SLC25A29: variants seen among roughly 807,000 people sequenced by gnomAD.
SLC25A29 encodes mitochondrial basic amino acids transporter.
Under a neutral mutation model 10.0 loss-of-function variants are expected in SLC25A29, and 13 were observed. The observed-to-expected ratio is 1.30, with a 90% CI of 0.85 to 2.07. The LOEUF (loss-of-function observed/expected upper bound fraction) is 2.07. Among genes scored for constraint, SLC25A29 ranks in the 30% most tolerant of loss-of-function variants. SLC25A29 has a pLI of 0.00. For missense variants in SLC25A29, 475 were observed against 447.6 expected, an observed-to-expected ratio of 1.06 and a Z score of -0.55; for synonymous variants, 244 against 221.1, an observed-to-expected ratio of 1.10 and a Z score of -0.92.
downstream of SLC25A29, among the ~76,000 whole-genome samples, chr14:100,286,346 C>T (rs541713196): frequency 2.6e-5 from 4 of 152,316 alleles, no homozygotes; most frequent in South Asian, 8.3e-4. Context: ...TGTGTCTGCT[C>T]TTTGTCCTGT....
intron 2 of SLC25A29, chr14:100,298,257 A>G (rs559878681): frequency 1.9e-5 from 3 of 160,114 alleles, no homozygotes; most frequent in Non-Finnish European, 4.1e-5. Context: ...CAGCCCAACC[A>G]CAAGCGGAGG....
chr14:100,301,241 C>T (rs941664509), intron 1 of SLC25A29, among the ~76,000 whole-genome samples: 2 of 151,388 alleles, frequency 1.3e-5, no homozygotes, highest in Admixed American at 1.3e-4. Flanking sequence ...TGCCGTTGCG[C>T]GATCTGGGCT....
chr14:100,295,988 A>G, intron 2 of SLC25A29: 2 of 1,289,692 alleles, frequency 1.6e-6, no homozygotes, highest in Non-Finnish European at 2.0e-6. Flanking sequence ...TTTCAGTCCC[A>G]AGGGCCTGGG....
intron 2 of SLC25A29, chr14:100,295,814 G>A (rs1165459728): frequency 8.5e-6 from 11 of 1,289,514 alleles, no homozygotes; most frequent in South Asian, 6.2e-5. Context: ...AGGGATGGCC[G>A]GTCACCCCCT....
chr14:100,281,915 G>A, the SLC25A29 span: 3 of 152,232 alleles, frequency 2.0e-5, no homozygotes, highest in African/African-American at 7.2e-5. Context: ...CCAGGCCCAA[G>A]GGATCAGTGT....
At chr14:100,301,531 A>G (rs1355766448) in intron 1 of SLC25A29, among the ~76,000 whole-genome samples, 1 of 150,790 alleles carries the variant, frequency 6.6e-6, no homozygotes, top group Non-Finnish European at 1.5e-5. Context: ...TTTTATTTTT[A>G]TTTATTTATT....
chr14:100,290,517 C>T (rs931652246), downstream of SLC25A29, among the ~76,000 whole-genome samples: 11 of 152,244 alleles, frequency 7.2e-5, no homozygotes, highest in Non-Finnish European at 1.3e-4. Context: ...TGTCAGTGGG[C>T]AGAGCTTCTT....
At chr14:100,296,222 G>C (rs777380568) in intron 2 of SLC25A29, 4 of 352,414 alleles carry the variant, frequency 1.1e-5, no homozygotes, top group African/African-American at 2.1e-5. Context: ...CCAGTAGTTT[G>C]AGACCAGCTG....
downstream of SLC25A29, among the ~76,000 whole-genome samples, chr14:100,290,827 C>T (rs59598792): frequency 0.013 from 2,035 of 152,370 alleles, 54 homozygotes; most frequent in African/African-American, 0.046. Context: ...CTGCCCCGCC[C>T]GCCAGTGCCC....
At chr14:100,289,667 A>G (rs1028517532), downstream of SLC25A29, among the ~76,000 whole-genome samples, 4 of 151,704 alleles carry the variant, frequency 2.6e-5, no homozygotes, top group Non-Finnish European at 4.4e-5. Context: ...AGATGGTGAA[A>G]CCCTGTCTCT....
At position 100,291,849 on chromosome 14, in the gene SLC25A29, T is replaced by G. The variant is rs1012763111; in HGVS notation, c.*434A>C. The G allele has an allele frequency of 1.1e-4, 25 of 231,320 alleles. No homozygotes were observed. The highest frequency in any genetic ancestry group is 9.2e-4 in the South Asian group (19 of 20,704). 14.3% of individuals were successfully genotyped at this position (231,320 alleles called of 1,614,324 possible). On this transcript the variant is annotated 3_prime_UTR_variant, in exon 4 of 4. Transcript: ENST00000359232. ...AGGGGTGGCCCACCACCCCCCCGGG[T>G]GGAGGATGTGTGGAGTTAGAGGTCC...
chr14:100,282,284 C>CA, the SLC25A29 span: 1 of 92,920 alleles, frequency 1.1e-5, no homozygotes, highest in Non-Finnish European at 2.2e-5. Flanking sequence ...TTTCATGAGA[C>CA]ACCCAGATGC....
At chr14:100,285,101 G>C in the SLC25A29 span, among the ~76,000 whole-genome samples, 4 of 152,022 alleles carry the variant, frequency 2.6e-5, no homozygotes, top group Non-Finnish European at 5.9e-5. Context: ...GACGGGGTCT[G>C]AGCACGCCCC....
downstream of SLC25A29, among the ~76,000 whole-genome samples, chr14:100,289,432 CAGG>C (rs774501648): frequency 9.9e-5 from 15 of 152,176 alleles, no homozygotes; most frequent in Non-Finnish European, 1.6e-4. Context: ...GTCCTCGACT[CAGG>C]AGGAGAGGCT....
Position 100,298,668 on chromosome 14 carries a change from C to T in SLC25A29, c.78+174G>A. 3.8e-6 allele frequency: 3 copies of T among 796,638 alleles called. No individual in the cohort carries two copies. The Admixed American group carries it at 6.3e-5, about 17-fold the overall frequency. The allele number at this position is 796,638 out of a possible 1,614,324, so 49.3% of individuals were successfully genotyped here. A position where few individuals can be genotyped will look rare whatever the true frequency, so the allele number is the denominator to read the frequency against. On this transcript the variant is annotated intron_variant, in intron 2 of 3. Coordinates refer to ENST00000359232, the MANE Select transcript of SLC25A29 (RefSeq NM_001039355.3). ...TTGGCCATGAACCCAGCATGTGGAT[C>T]AGCCCCAGCTGGGAGATGCCAGGAC...
chr14:100,302,775 G>GT (rs56953966), intron 1 of SLC25A29, among the ~76,000 whole-genome samples: 187 of 145,446 alleles, frequency 1.3e-3, no homozygotes, highest in Admixed American at 1.5e-3. Flanking sequence ...TGCTGCCAAT[G>GT]TTTTTTTTTT....
chr14:100,299,355 T>C, intron 1 of SLC25A29: 1 of 1,016,256 alleles, frequency 9.8e-7, no homozygotes, highest in Non-Finnish European at 1.2e-6. Flanking sequence ...TGACTCTGTC[T>C]CTGGGCCTCA....
In SLC25A29 at chr14:100,292,637, G is replaced by A. The variant is rs1182709585; in HGVS notation, c.558C>T (p.Arg186=). The A allele has an allele frequency of 6.3e-7, 1 of 1,597,418 alleles. No homozygotes were observed. The highest frequency in any genetic ancestry group is 1.3e-5 in the African/African-American group (1 of 74,862). Residue 186 remains arginine (R), a synonymous_variant, in exon 4 of 4, where the codon CGC becomes CGT. Transcript: ENST00000359232. ...CCAACAGCAGCTTGGGCACCAGCAG[G>A]CGGTCGCCCGGCTCGCAGCCCAGCG... ...TRALGCEPGD[R]LLVPKLLLAG... is the part of the protein sequence containing the mutation.
At chr14:100,289,529 A>G (rs1436265544), downstream of SLC25A29, among the ~76,000 whole-genome samples, 1 of 152,110 alleles carries the variant, frequency 6.6e-6, no homozygotes, top group Non-Finnish European at 1.5e-5. Flanking sequence ...AGCACTTCAT[A>G]TATCACTTAT....
Sources: allele counts gnomAD v4.1 joint callset (sites outside exome capture counted in the v4.1 genomes callset), GRCh38; gene constraint gnomAD v4.1.1; transcripts MANE v1.5; gene names NCBI Gene and HGNC (gene_info 2026-07-23, HGNC 2026-07-21).